Variants in HDAC9 observed in about 807,000 individuals in gnomAD.
HDAC9 encodes the protein histone deacetylase 9, also known as MEF-2 interacting transcription repressor (MITR) protein.
HDAC9 carries 41 observed loss-of-function variants against 139.4 expected under a neutral mutation model. The observed-to-expected ratio is 0.29, with a 90% CI of 0.23 to 0.38. The LOEUF (loss-of-function observed/expected upper bound fraction) is 0.38. HDAC9 is among the 10% of genes least tolerant of loss of function. The probability of loss-of-function intolerance (pLI) is 1.00; values close to 1 mark genes in which losing one functional copy is unlikely to be tolerated. For missense variants in HDAC9, 1,147 were observed against 1,297.0 expected (o/e 0.88, Z 1.78); for synonymous variants, 517 against 476.2 (o/e 1.09, Z -1.12).
intron 1 of HDAC9, among the ~76,000 whole-genome samples, chr7:18,291,181 C>A (rs116462305): frequency 6.6e-6 from 1 of 152,042 alleles, no homozygotes; most frequent in Non-Finnish European, 1.5e-5. Context: ...AAGGCTCATA[C>A]CAGCTCAGCA....
intron 11 of HDAC9, among the ~76,000 whole-genome samples, chr7:18,651,214 A>G (rs2129038264): frequency 6.6e-6 from 1 of 152,292 alleles, no homozygotes; most frequent in Non-Finnish European, 1.5e-5. Context: ...TAGAATGCCC[A>G]TTAGTAAGAA....
intron 12 of HDAC9, among the ~76,000 whole-genome samples, chr7:18,713,127 T>C (rs1179510074): frequency 6.6e-6 from 1 of 152,162 alleles, no homozygotes; most frequent in Non-Finnish European, 1.5e-5. Flanking sequence ...AACAGAAAAG[T>C]CTATTTTGTG....
intron 5 of HDAC9, among the ~76,000 whole-genome samples, chr7:18,593,432 G>A (rs1009935663): frequency 3.3e-5 from 5 of 152,086 alleles, no homozygotes; most frequent in African/African-American, 7.2e-5. Context: ...ATGGGAGTCC[G>A]TTGGCACAAT....
At chr7:18,431,490 T>A (rs1237646595) in intron 1 of HDAC9, among the ~76,000 whole-genome samples, 1 of 152,188 alleles carries the variant, frequency 6.6e-6, no homozygotes, top group East Asian at 1.9e-4. Context: ...AAATCTGTTA[T>A]ACTTTAATTT....
chr7:18,583,270 C>T (rs1016596519), intron 2 of HDAC9, among the ~76,000 whole-genome samples: 1 of 152,102 alleles, frequency 6.6e-6, no homozygotes, highest in African/African-American at 2.4e-5. Context: ...TTACTATCTC[C>T]AAGTTACGGA....
intron 2 of HDAC9, among the ~76,000 whole-genome samples, chr7:18,200,822 T>C (rs371399270): frequency 3.3e-5 from 5 of 152,320 alleles, no homozygotes; most frequent in African/African-American, 9.6e-5. Flanking sequence ...CTCAGCAGTT[T>C]CTAAACCTAT....
At chr7:18,619,136 A>G (rs777518040) in intron 6 of HDAC9, among the ~76,000 whole-genome samples, 39 of 152,310 alleles carry the variant, frequency 2.6e-4, no homozygotes, top group African/African-American at 7.5e-4. Flanking sequence ...TCTGGCCTGT[A>G]TGAGATATGG....
intron 22 of HDAC9, among the ~76,000 whole-genome samples, chr7:18,891,344 T>C (rs1008288760): frequency 6.6e-6 from 1 of 151,934 alleles, no homozygotes; most frequent in Non-Finnish European, 1.5e-5. Context: ...AAAACAGGAG[T>C]GTCAGGCTAC....
intron 7 of HDAC9, among the ~76,000 whole-genome samples, chr7:18,633,037 T>C (rs1782818870): frequency 6.6e-6 from 1 of 152,048 alleles, no homozygotes; most frequent in Admixed American, 6.6e-5. Flanking sequence ...CTGGAATTTA[T>C]GAGTTAAAGG....
chr7:18,732,048 C>T (rs1439879581), intron 13 of HDAC9, among the ~76,000 whole-genome samples: 1 of 152,048 alleles, frequency 6.6e-6, no homozygotes, highest in African/African-American at 2.4e-5. Flanking sequence ...TTAGTAGAGA[C>T]GGGATTTCTG....
At chr7:18,288,176 C>T (rs1372639301), upstream of HDAC9, among the ~76,000 whole-genome samples, 1 of 152,210 alleles carries the variant, frequency 6.6e-6, no homozygotes, top group Admixed American at 6.5e-5. Context: ...GCAGCTCCAT[C>T]AGTGCTCATT....
intron 24 of HDAC9, among the ~76,000 whole-genome samples, chr7:18,954,968 G>T (rs1783050105): frequency 6.6e-6 from 1 of 152,002 alleles, no homozygotes; most frequent in African/African-American, 2.4e-5. Context: ...GGGTTGACTG[G>T]AGTTAAATTA....
intron 22 of HDAC9, among the ~76,000 whole-genome samples, chr7:18,906,052 T>A (rs1802230768): frequency 6.6e-6 from 1 of 151,706 alleles, no homozygotes; most frequent in South Asian, 2.1e-4. Context: ...TTCTATCCTT[T>A]CTTTTCTCTC....
intron 24 of HDAC9, among the ~76,000 whole-genome samples, chr7:18,971,084 G>C (rs1390895567): frequency 1.3e-5 from 2 of 152,182 alleles, no homozygotes; most frequent in Non-Finnish European, 2.9e-5. Context: ...GTGTAACCCA[G>C]TGAAACCCCA....
intron 2 of HDAC9, among the ~76,000 whole-genome samples, chr7:18,200,582 G>A (rs2128159266): frequency 6.6e-6 from 1 of 152,248 alleles, no homozygotes; most frequent in South Asian, 2.1e-4. Context: ...CCTAAAAGCC[G>A]TAATTCATCC....
chr7:18,172,447 TC>T (rs1248971038), intron 2 of HDAC9, among the ~76,000 whole-genome samples: 4 of 152,212 alleles, frequency 2.6e-5, no homozygotes, highest in African/African-American at 7.2e-5. Context: ...TGTCTCTATC[TC>T]CTTCAGTTCT....
At chr7:18,693,307 C>G (rs1462113022) in intron 12 of HDAC9, among the ~76,000 whole-genome samples, 1 of 152,000 alleles carries the variant, frequency 6.6e-6, no homozygotes, top group Non-Finnish European at 1.5e-5. Flanking sequence ...TATTGAAATT[C>G]AGAGTACATT....
At chr7:18,103,407 G>C (rs2128073618) in intron 1 of HDAC9, among the ~76,000 whole-genome samples, 1 of 152,240 alleles carries the variant, frequency 6.6e-6, no homozygotes, top group Admixed American at 6.5e-5. Flanking sequence ...GTGATGCTGA[G>C]GTTTGGGCAT....
At chr7:18,805,720 G>C (rs888524396) in intron 17 of HDAC9, among the ~76,000 whole-genome samples, 4 of 152,214 alleles carry the variant, frequency 2.6e-5, no homozygotes, top group African/African-American at 9.6e-5. Flanking sequence ...CAGTGGACCT[G>C]AGAGTGTTCC....
Sources: allele counts gnomAD v4.1 joint callset (sites outside exome capture counted in the v4.1 genomes callset), GRCh38; gene constraint gnomAD v4.1.1; transcripts MANE v1.5; gene names NCBI Gene and HGNC (gene_info 2026-07-23, HGNC 2026-07-21).